Variants in OR52I2 observed in about 807,000 individuals in gnomAD.
OR52I2 encodes olfactory receptor family 52 subfamily I member 2.
For missense variants in OR52I2, 350 were observed against 402.4 expected (o/e 0.87, Z 1.11); for synonymous variants, 147 against 151.9 (o/e 0.97, Z 0.24).
chr11:4,587,299 A>C, exon 2 of OR52I2: 2 of 1,613,784 alleles, frequency 1.2e-6, no homozygotes, highest in Non-Finnish European at 1.7e-6. Flanking sequence ...TCTACACTAC[A>C]AGAGAATTCT....
intron 1 of OR52I2, among the ~76,000 whole-genome samples, chr11:4,584,349 G>C (rs1846282901): frequency 3.3e-5 from 5 of 152,206 alleles, no homozygotes. Flanking sequence ...TGAGAAAAGA[G>C]ATCACGTGTC....
intron 1 of OR52I2, among the ~76,000 whole-genome samples, chr11:4,586,573 C>CA (rs1846302936): frequency 6.6e-6 from 1 of 151,974 alleles, no homozygotes. Flanking sequence ...TCTCTGAGGT[C>CA]ACGATGGGAG....
exon 2 of OR52I2, chr11:4,589,279 G>A (rs1846333223): frequency 6.6e-6 from 1 of 152,228 alleles, no homozygotes; most frequent in Non-Finnish European, 1.5e-5. Context: ...TCTTTGGAAA[G>A]GACAATATGA....
exon 2 of OR52I2, chr11:4,593,324 G>A (rs1589845127): frequency 6.5e-6 from 1 of 154,832 alleles, no homozygotes; most frequent in African/African-American, 2.4e-5. Flanking sequence ...AGGATCCAGG[G>A]TAAATTTAGA....
intron 1 of OR52I2, among the ~76,000 whole-genome samples, chr11:4,584,807 G>A (rs889517990): frequency 2.0e-5 from 3 of 152,172 alleles, no homozygotes; most frequent in East Asian, 1.9e-4. Context: ...ATTATGGGAC[G>A]ACAGGAGAAA....
At chr11:4,582,242 G>A (rs1331711891) in intron 1 of OR52I2, among the ~76,000 whole-genome samples, 2 of 151,918 alleles carry the variant, frequency 1.3e-5, no homozygotes, top group Non-Finnish European at 2.9e-5. Context: ...AAGGCACAGG[G>A]TTGTCATAAA....
rs114063991 is a variant in OR52I2 at position 4,585,539 on chromosome 11, T to G, written c.-19-1333T>G. On this transcript the variant is annotated intron_variant, in intron 1 of 1. Coordinates refer to ENST00000641896, the Ensembl canonical transcript of OR52I2. Reference sequence around the variant, plus strand: ...GGTTCTCCAGCCAGATTATTCACATTATATGATATGGTAACACCTGAAAGA... The same window carrying G: ...GGTTCTCCAGCCAGATTATTCACATGATATGATATGGTAACACCTGAAAGA... 6.5e-3 allele frequency among the ~76,000 whole-genome samples: 981 copies of G among 151,574 alleles called. 10 individuals are homozygous for G. The highest frequency in any genetic ancestry group is 0.021 in the African/African-American group (852 of 41,440).
At chr11:4,587,141 A>C in exon 2 of OR52I2, 2 of 1,614,164 alleles carry the variant, frequency 1.2e-6, no homozygotes, top group Non-Finnish European at 1.7e-6. Context: ...GTGGTACCCA[A>C]GATGGTGAGC....
chr11:4,592,051 T>C (rs1419745411), exon 2 of OR52I2: 2 of 152,228 alleles, frequency 1.3e-5, no homozygotes, highest in Non-Finnish European at 1.5e-5. Flanking sequence ...CTTTTTACTT[T>C]GTAAATGTGG....
exon 2 of OR52I2, chr11:4,590,098 G>A (rs1215517642): frequency 1.3e-5 from 2 of 152,196 alleles, no homozygotes; most frequent in African/African-American, 4.8e-5. Flanking sequence ...TTAACAACCA[G>A]AGGGCACTGG....
At chr11:4,583,494 G>A (rs774341918) in intron 1 of OR52I2, among the ~76,000 whole-genome samples, 4 of 152,044 alleles carry the variant, frequency 2.6e-5, no homozygotes, top group Non-Finnish European at 5.9e-5. Flanking sequence ...TAATGCACAA[G>A]CCTAAGTTTG....
exon 2 of OR52I2, chr11:4,587,667 G>T (rs774711680): frequency 2.5e-6 from 4 of 1,614,190 alleles, no homozygotes; most frequent in Non-Finnish European, 2.5e-6. Flanking sequence ...ATCTACCTGG[G>T]ATGGCATCCA....
At chr11:4,585,192 C>T (rs933067766) in intron 1 of OR52I2, among the ~76,000 whole-genome samples, 6 of 152,112 alleles carry the variant, frequency 3.9e-5, no homozygotes, top group African/African-American at 1.2e-4. Context: ...TTCGACTCTT[C>T]GCTATCCTGC....
At chr11:4,586,367 AAGAC>A (rs758782006) in intron 1 of OR52I2, among the ~76,000 whole-genome samples, 4 of 151,948 alleles carry the variant, frequency 2.6e-5, no homozygotes, top group Non-Finnish European at 5.9e-5. Context: ...ACAGAGATGA[AAGAC>A]AGATTCATTT....
rs577547747 is a variant in OR52I2, at chr11:4,582,356, C to A, written c.-20+492C>A. On this transcript the variant is annotated intron_variant, in intron 1 of 1. Coordinates refer to ENST00000641896, the Ensembl canonical transcript of OR52I2. ...CACTCTTTTAATAGAAATGAAAAAT[C>A]CTCACAGGTCTTGTGCTTTGTGAAT... 1.1e-3 allele frequency among the ~76,000 whole-genome samples: 166 copies of A among 151,990 alleles called. 2 individuals are homozygous for A. Among genetic ancestry groups the A allele is most frequent in the African/African-American group, 3.9e-3 (160 of 41,458 alleles).
In OR52I2 at chr11:4,586,813, A is replaced by G. The variant is rs1554912576; in HGVS notation, c.-19-59A>G. ...TATCCTTAGGTTTTCCCAGCACCAC[A>G]TGTGTCAACAAATCTTACGGGATTG... On this transcript the variant is annotated intron_variant, in intron 1 of 1. Transcript: ENST00000641896. The G allele has an allele frequency of 5.6e-6, 9 of 1,610,730 alleles. No homozygotes were observed. The South Asian group carries it at 9.9e-5, about 18-fold the overall frequency.
chr11:4,584,335 G>T (rs1165353047), intron 1 of OR52I2, among the ~76,000 whole-genome samples: 1 of 152,116 alleles, frequency 6.6e-6, no homozygotes, highest in African/African-American at 2.4e-5. Flanking sequence ...GAACCATGAG[G>T]GTTTGAGAAA....
exon 2 of OR52I2, chr11:4,591,305 T>C (rs769777406): frequency 6.6e-6 from 1 of 152,176 alleles, no homozygotes; most frequent in Admixed American, 6.5e-5. Context: ...GGTAAGGATA[T>C]GGTAACTTCT....
At chr11:4,582,622 G>A (rs1041552753) in intron 1 of OR52I2, among the ~76,000 whole-genome samples, 3 of 151,560 alleles carry the variant, frequency 2.0e-5, no homozygotes, top group Non-Finnish European at 2.9e-5. Flanking sequence ...TGTATTTTTA[G>A]TAGAGACGGG....
Sources: gnomAD v4.1 joint callset for allele counts (sites outside exome capture counted in the v4.1 genomes callset) on GRCh38, gnomAD v4.1.1 for gene constraint, MANE v1.5 for transcripts, NCBI Gene and HGNC (gene_info 2026-07-23, HGNC 2026-07-21) for gene names.